Variants in TENM3 observed in about 807,000 individuals in gnomAD.
TENM3 encodes the protein teneurin transmembrane protein 3.
In TENM3, 63 loss-of-function variants were observed where a neutral mutation model predicts 255.1. That is an observed-to-expected ratio of 0.25 (90% CI 0.20 to 0.30). The LOEUF (loss-of-function observed/expected upper bound fraction) is 0.30. Ranked by LOEUF, TENM3 falls within the 10% of genes least tolerant of loss-of-function variation. The pLI is 1.00. For synonymous variants in TENM3, 1,306 were observed against 1,322.3 expected (o/e 0.99, Z 0.27); for missense variants, 2,929 against 3,461.1 (o/e 0.85, Z 3.86).
chr4:182,173,299 A>G (rs1475757495), intron 1 of TENM3, among the ~76,000 whole-genome samples: 2 of 152,234 alleles, frequency 1.3e-5, no homozygotes, highest in Admixed American at 6.5e-5. Flanking sequence ...TAAGATGACA[A>G]TGCAATGTCA....
chr4:181,502,210 C>T, the TENM3 span, among the ~76,000 whole-genome samples: 1 of 152,182 alleles, frequency 6.6e-6, no homozygotes, highest in East Asian at 1.9e-4. Context: ...ATATATTGGT[C>T]AAAGCCCACA....
At chr4:181,600,113 A>G in the TENM3 span, among the ~76,000 whole-genome samples, 1 of 152,194 alleles carries the variant, frequency 6.6e-6, no homozygotes, top group Non-Finnish European at 1.5e-5. Flanking sequence ...TTCTTTTGTC[A>G]CCAAATACTA....
At chr4:181,897,038 C>A in the TENM3 span, among the ~76,000 whole-genome samples, 1 of 149,694 alleles carries the variant, frequency 6.7e-6, no homozygotes, top group Admixed American at 6.6e-5. Context: ...AAAAGAACTC[C>A]TGCTTTTCAC....
intron 1 of TENM3, among the ~76,000 whole-genome samples, chr4:182,291,270 T>A (rs1317459671): frequency 6.6e-6 from 1 of 152,130 alleles, no homozygotes; most frequent in Non-Finnish European, 1.5e-5. Flanking sequence ...AGCCTGTGTG[T>A]CCATGGCCCC....
At chr4:181,646,574 A>G in the TENM3 span, among the ~76,000 whole-genome samples, 2 of 152,160 alleles carry the variant, frequency 1.3e-5, no homozygotes, top group African/African-American at 4.8e-5. Context: ...CTTGAGCATC[A>G]ACTCTTGTCC....
intron 3 of TENM3, among the ~76,000 whole-genome samples, chr4:182,431,036 TAAAC>T (rs59913149): frequency 0.16 from 23,323 of 146,540 alleles, 2,059 homozygotes; most frequent in East Asian, 0.33. Flanking sequence ...AATAAATAAA[TAAAC>T]AAACAAACAA....
intron 3 of TENM3, chr4:182,349,990 T>C (rs2150694408): frequency 6.2e-6 from 1 of 162,196 alleles, no homozygotes; most frequent in South Asian, 1.5e-4. Flanking sequence ...GCCTTGACTG[T>C]TTTCTTCATT....
chr4:182,101,096 GAGGGAGGGAGGAAGGAAAGA>G, the TENM3 span, among the ~76,000 whole-genome samples: 1 of 26,846 alleles, frequency 3.7e-5, no homozygotes, highest in African/African-American at 1.1e-4. Context: ...GGGAGGGAGG[GAGGGAGGGAGGAAGGAAAGA>G]AGGAAGGAAA....
intron 24 of TENM3, among the ~76,000 whole-genome samples, chr4:182,788,268 C>G (rs746636335): frequency 1.3e-5 from 2 of 152,172 alleles, no homozygotes; most frequent in Non-Finnish European, 2.9e-5. Context: ...TCACAGCCTG[C>G]AAACACTGGA....
At chr4:182,579,155 C>A (rs560905000) in intron 3 of TENM3, among the ~76,000 whole-genome samples, 1 of 152,152 alleles carries the variant, frequency 6.6e-6, no homozygotes, top group East Asian at 1.9e-4. Flanking sequence ...CTTGTGGCTT[C>A]GCAGCGGTGA....
chr4:182,553,132 C>T (rs1023188883), intron 3 of TENM3, among the ~76,000 whole-genome samples: 2 of 151,952 alleles, frequency 1.3e-5, no homozygotes, highest in African/African-American at 2.4e-5. Context: ...TTGCCCAGGC[C>T]GTGGTGCAAG....
intron 12 of TENM3, among the ~76,000 whole-genome samples, chr4:182,690,089 G>A (rs1274527602): frequency 6.6e-6 from 1 of 152,126 alleles, no homozygotes; most frequent in Non-Finnish European, 1.5e-5. Flanking sequence ...TCAGTGTAGG[G>A]AACATCCAAA....
At chr4:181,878,970 T>C in the TENM3 span, among the ~76,000 whole-genome samples, 1 of 152,150 alleles carries the variant, frequency 6.6e-6, no homozygotes, top group South Asian at 2.1e-4. Context: ...TCTCATCTAG[T>C]GGAAGGGTAG....
At chr4:182,334,846 A>G (rs1223626320) in intron 2 of TENM3, among the ~76,000 whole-genome samples, 1 of 152,198 alleles carries the variant, frequency 6.6e-6, no homozygotes, top group Admixed American at 6.5e-5. Flanking sequence ...CTAGAAGTTA[A>G]TTTGGGAGAC....
chr4:182,465,870 GT>G (rs567314249), intron 3 of TENM3, among the ~76,000 whole-genome samples: 9 of 151,822 alleles, frequency 5.9e-5, no homozygotes, highest in Admixed American at 4.6e-4. Flanking sequence ...TGTCTTTAAA[GT>G]TTTTTTAGTT....
chr4:181,604,033 G>A, the TENM3 span, among the ~76,000 whole-genome samples: 1 of 152,206 alleles, frequency 6.6e-6, no homozygotes, highest in Non-Finnish European at 1.5e-5. Flanking sequence ...GGGAGGCCGA[G>A]GAGGGTGGAT....
the TENM3 span, among the ~76,000 whole-genome samples, chr4:181,926,184 C>T: frequency 2.6e-5 from 4 of 152,120 alleles, no homozygotes; most frequent in South Asian, 2.1e-4. Context: ...ACAATCCTTG[C>T]GGTTAGGCAT....
chr4:181,859,306 TA>T, the TENM3 span, among the ~76,000 whole-genome samples: 1 of 146,488 alleles, frequency 6.8e-6, no homozygotes, highest in Non-Finnish European at 1.5e-5. Context: ...TATCTGACGA[TA>T]TGATAGCTTT....
chr4:182,751,910 C>A lies in TENM3; in HGVS notation c.3740C>A (p.Ala1247Glu). The change falls in exon 20 of 28, where the codon GCA becomes GAA. Residue 1247 changes from alanine to glutamate, a missense_variant. This residue lies in a region of TENM3 where 1,608 missense variants were observed against 1,884.4 expected (regional missense o/e 0.85). Coordinates refer to ENST00000511685, the MANE Select transcript of TENM3 (RefSeq NM_001080477.4). ...RIYRPKSLTG[A>E]KDLTKNAEVV... ...TATCGCCCAAAGTCACTTACGGGGG[C>A]AAAAGACTTGACTAAAAATGCAGAA... 6.2e-7 allele frequency: 1 copy of A among 1,613,728 alleles called. No homozygotes were observed. The highest frequency in any genetic ancestry group is 8.5e-7 in the Non-Finnish European group (1 of 1,179,846).
Sources: allele counts gnomAD v4.1 joint callset (sites outside exome capture counted in the v4.1 genomes callset), GRCh38; gene constraint gnomAD v4.1.1; regional missense constraint gnomAD v4.1.1; transcripts MANE v1.5; gene names NCBI Gene and HGNC (gene_info 2026-07-23, HGNC 2026-07-21).